Variants in TRPM6 observed in about 807,000 individuals in gnomAD.
The protein encoded by TRPM6 is transient receptor potential cation channel subfamily M member 6.
TRPM6 carries 111 observed loss-of-function variants against 247.6 expected under a neutral mutation model. The observed-to-expected ratio is 0.45, with a 90% CI of 0.38 to 0.52. The LOEUF (loss-of-function observed/expected upper bound fraction) is 0.52, where lower values mean the gene tolerates loss of function less well. Among genes scored for constraint, TRPM6 ranks in the 20% least tolerant of loss-of-function variants. The pLI, the probability that TRPM6 is intolerant of heterozygous loss-of-function variation, is 0.00. For missense variants in TRPM6, 2,126 were observed against 2,421.5 expected (o/e 0.88, Z 2.56); for synonymous variants, 892 against 853.8 (o/e 1.04, Z -0.78).
At chr9:74,802,285 A>G in intron 15 of TRPM6, 110 bp from the exon 16 acceptor site, 2 of 953,396 alleles carry the variant, frequency 2.1e-6, no homozygotes, top group South Asian at 3.0e-5. Context: ...CTACTAAAAA[A>G]GAGATGGAAA....
intron 3 of TRPM6, among the ~76,000 whole-genome samples, chr9:74,843,794 G>A (rs946529834): frequency 7.6e-5 from 10 of 131,018 alleles, no homozygotes; most frequent in South Asian, 4.8e-4. Flanking sequence ...CAGCCTGGGC[G>A]ACAAAGCAAG....
chr9:74,799,960 T>C, intron 17 of TRPM6: 1 of 432,824 alleles, frequency 2.3e-6, no homozygotes, highest in South Asian at 2.2e-5. Context: ...ATTCAGCTGA[T>C]CTGGCTGGCT....
rs886211696 is a variant in TRPM6 at position 74,814,185 on chromosome 9, T to C, written c.1309-1752A>G. On this transcript the variant is annotated intron_variant, in intron 11 of 38. Transcript: ENST00000360774. Reference sequence around the variant, plus strand: ...GAGCAAGTTTGCTGTCACAAATTAATAGACTGCCAGGCATAGAAAGACAAA... The same window carrying C: ...GAGCAAGTTTGCTGTCACAAATTAACAGACTGCCAGGCATAGAAAGACAAA... 2.0e-5 allele frequency among the ~76,000 whole-genome samples: 3 copies of C among 152,102 alleles called. No homozygotes were observed. In the South Asian group the frequency reaches 6.2e-4, roughly 32 times the overall value.
intron 38 of TRPM6, among the ~76,000 whole-genome samples, chr9:74,724,986 G>A (rs1454601904): frequency 6.6e-6 from 1 of 152,150 alleles, no homozygotes; most frequent in African/African-American, 2.4e-5. Context: ...AGAAAGACTT[G>A]GTTGCTTGCT....
intron 16 of TRPM6, among the ~76,000 whole-genome samples, chr9:74,801,450 A>C (rs188799284): frequency 4.1e-4 from 63 of 151,812 alleles, no homozygotes; most frequent in African/African-American, 1.5e-3. Context: ...TCAAAACCAA[A>C]AGCATTTTTA....
chr9:74,766,888 C>T (rs1175850312), intron 25 of TRPM6, among the ~76,000 whole-genome samples: 2 of 152,056 alleles, frequency 1.3e-5, no homozygotes, highest in South Asian at 4.2e-4. Flanking sequence ...CCAGCCTAGG[C>T]AACAAGAGCG....
At chr9:74,779,914 C>G (rs1304692023) in intron 23 of TRPM6, among the ~76,000 whole-genome samples, 1 of 152,240 alleles carries the variant, frequency 6.6e-6, no homozygotes, top group East Asian at 1.9e-4. Context: ...TGGCTCACAC[C>G]TGTAATCCCA....
chr9:74,749,229 G>T (rs139805572), intron 30 of TRPM6, among the ~76,000 whole-genome samples: 26 of 152,228 alleles, frequency 1.7e-4, no homozygotes, highest in African/African-American at 6.3e-4. Context: ...GTCGTTAATT[G>T]ATGCATGACT....
At chr9:74,798,256 G>T (rs539018242) in intron 17 of TRPM6, among the ~76,000 whole-genome samples, 349 of 137,718 alleles carry the variant, frequency 2.5e-3, no homozygotes, top group African/African-American at 9.5e-3. Context: ...TCATATCCTT[G>T]TCAACCTTCT....
In TRPM6 at chr9:74,762,160, G is replaced by T; in HGVS notation, c.4511C>A (p.Thr1504Lys). Residue 1504 changes from threonine to lysine, a missense_variant, in exon 26 of 39, where the codon ACA becomes AAA. Physicochemically the swap from Thr to Lys is moderately conservative, Grantham distance 78 (BLOSUM62 -1). Transcript: ENST00000360774. ...GCATTCACTACTCTGGGCCGATCTT[G>T]TTGAGTTATCAGATAGGGAGCTGTC... ...AQDSSLSDNS[T>K]RSAQSSECSE... 1 of 1,614,230 alleles carries T rather than the reference G, an allele frequency of 6.2e-7. No homozygotes were observed. Among genetic ancestry groups the T allele is most frequent in the Non-Finnish European group, 8.5e-7 (1 of 1,180,030 alleles).
Position 74,750,812 on chromosome 9 carries a change from G to T in TRPM6, c.4999-90C>A, listed in dbSNP as rs1406351132. On this transcript the variant is annotated intron_variant, in intron 29 of 38. Coordinates refer to ENST00000360774, the MANE Select transcript of TRPM6 (RefSeq NM_017662.5). ...TGATCTGCCAAACACGCTCCTTGGA[G>T]AATCCTTCTTTTTTCTTCATCTACC... The T allele has an allele frequency of 5.9e-6, 7 of 1,177,238 alleles. No individual in the cohort carries two copies. The South Asian group carries it at 7.4e-5, about 12-fold the overall frequency. The allele number at this position is 1,177,238 out of a possible 1,614,324, so 72.9% of individuals were successfully genotyped here. A position where few individuals can be genotyped will look rare whatever the true frequency, so the allele number is the denominator to read the frequency against.
At chr9:74,789,429 T>C (rs529250378) in intron 19 of TRPM6, among the ~76,000 whole-genome samples, 6 of 152,338 alleles carry the variant, frequency 3.9e-5, no homozygotes, top group Admixed American at 1.3e-4. Flanking sequence ...ATCACACATA[T>C]AGATACATAG....
Position 74,792,611 on chromosome 9 carries a change from C to CA in TRPM6, c.2538+12dup. ...ATCATTAATCCGACATATATTGTTG[C>CA]AATGAGACCAACCGTATAAAACCAA... On this transcript the variant is annotated intron_variant, in intron 19 of 38. Transcript: ENST00000360774. 3 of 1,613,044 alleles carry CA rather than the reference C, an allele frequency of 1.9e-6. No homozygotes were observed. Among genetic ancestry groups the CA allele is most frequent in the Non-Finnish European group, 2.5e-6 (3 of 1,179,100 alleles).
intron 3 of TRPM6, among the ~76,000 whole-genome samples, chr9:74,844,126 A>G (rs1312615949): frequency 2.6e-5 from 4 of 152,210 alleles, no homozygotes; most frequent in Non-Finnish European, 4.4e-5. Flanking sequence ...CATTTAGCAT[A>G]ATTATTAAGG....
At chr9:74,778,579 A>G (rs1827307342) in intron 23 of TRPM6, among the ~76,000 whole-genome samples, 1 of 152,166 alleles carries the variant, frequency 6.6e-6, no homozygotes, top group Non-Finnish European at 1.5e-5. Context: ...TGGAAGGGAA[A>G]GGTGGCTTCA....
rs12346814 is a variant in TRPM6, at chr9:74,734,792, A to T, written c.5777-2056T>A. On this transcript the variant is annotated intron_variant, in intron 36 of 38. Transcript: ENST00000360774. ...TGCTCCCTAAGGAACAGAACTCCTT[A>T]TAAGAATGAGGGTAAAGAGTATCCA... Among the ~76,000 whole-genome samples the T allele has an allele frequency of 2.9e-3, 438 of 152,334 alleles. 4 individuals carry two copies. Among genetic ancestry groups the T allele is most frequent in the African/African-American group, 9.5e-3 (395 of 41,578 alleles).
chr9:74,728,243 G>A lies in TRPM6; in HGVS notation c.5931C>T (p.Leu1977=). Residue 1977 remains leucine, a synonymous_variant, in exon 38 of 39, where the codon CTC becomes CTT. Transcript: ENST00000360774. ...HCNSCCRKLK[L]PDLKRNDYSP... ...AAAGAACTGTTAGTGGCATACCCGG[G>A]AGTTTGAGCTTCCGGCAGCAGGAGT... 1 of 1,612,396 alleles carries A rather than the reference G, an allele frequency of 6.2e-7. No individual in the cohort carries two copies. Among genetic ancestry groups the A allele is most frequent in the South Asian group, 1.1e-5 (1 of 91,046 alleles).
intron 32 of TRPM6, 147 bp from the exon 33 acceptor site, chr9:74,742,773 C>T: frequency 2.7e-6 from 2 of 740,812 alleles, no homozygotes; most frequent in South Asian, 1.7e-5. Flanking sequence ...ATCTATAATA[C>T]AGTCTTAAAA....
At chr9:74,744,025 T>C (rs967851233) in intron 32 of TRPM6, 70 bp downstream of exon 32, 2 of 1,474,188 alleles carry the variant, frequency 1.4e-6, no homozygotes, top group African/African-American at 2.8e-5. Flanking sequence ...TTTGTCAGTG[T>C]TTCTGTTTAC....
Sources: gnomAD v4.1 joint callset for allele counts (sites outside exome capture counted in the v4.1 genomes callset) on GRCh38, gnomAD v4.1.1 for gene constraint, MANE v1.5 for transcripts, NCBI Gene and HGNC (gene_info 2026-07-23, HGNC 2026-07-21) for gene names.